The following MYCBP2 variants were observed in gnomAD, a reference collection of about 807,000 sequenced individuals.
The protein encoded by MYCBP2 is E3 ubiquitin-protein ligase MYCBP2.
In MYCBP2, 120 loss-of-function variants were observed where a neutral mutation model predicts 525.3. That is an observed-to-expected ratio of 0.23 (90% confidence interval 0.20 to 0.27). The LOEUF is 0.27. Ranked by LOEUF, MYCBP2 falls within the 10% of genes least tolerant of loss-of-function variation. The pLI, the probability that MYCBP2 is intolerant of heterozygous loss-of-function variation, is 1.00. For missense variants in MYCBP2, 4,149 were observed against 5,657.1 expected (o/e 0.73, Z 8.55); for synonymous variants, 1,894 against 1,955.8 (o/e 0.97, Z 0.83).
intron 40 of MYCBP2, among the ~76,000 whole-genome samples, chr13:77,167,420 G>C (rs1255038840): frequency 6.6e-6 from 1 of 152,088 alleles, no homozygotes; most frequent in African/African-American, 2.4e-5. Flanking sequence ...GTAAGCTGAA[G>C]AGGCTCCCAT....
At chr13:77,163,767 T>A (rs557705955) in intron 43 of MYCBP2, among the ~76,000 whole-genome samples, 2 of 152,290 alleles carry the variant, frequency 1.3e-5, no homozygotes, top group African/African-American at 4.8e-5. Context: ...CTCATTTTGC[T>A]AACATATTTC....
intron 55 of MYCBP2, among the ~76,000 whole-genome samples, chr13:77,119,089 G>A (rs948157150): frequency 3.3e-5 from 5 of 152,080 alleles, no homozygotes; most frequent in East Asian, 1.9e-4. Flanking sequence ...TTGCTTAGAT[G>A]AATAATTTAA....
intron 45 of MYCBP2, among the ~76,000 whole-genome samples, chr13:77,156,636 A>G (rs938280784): frequency 9.2e-5 from 14 of 152,186 alleles, no homozygotes; most frequent in African/African-American, 3.4e-4. Context: ...ATGGCCCTCT[A>G]CTTGCCTGAC....
At chr13:77,065,745 T>C (rs370495276) in intron 72 of MYCBP2, among the ~76,000 whole-genome samples, 1 of 152,332 alleles carries the variant, frequency 6.6e-6, no homozygotes, top group East Asian at 1.9e-4. Context: ...TATTTTATTT[T>C]ATTAGATTTT....
intron 62 of MYCBP2, among the ~76,000 whole-genome samples, chr13:77,085,691 G>T (rs2044130764): frequency 6.6e-6 from 1 of 152,152 alleles, no homozygotes; most frequent in Non-Finnish European, 1.5e-5. Flanking sequence ...CAGCTTCTGT[G>T]CTCTCTTTCT....
At chr13:77,301,422 C>CAAA (rs11338423) in intron 1 of MYCBP2, among the ~76,000 whole-genome samples, 4 of 40,512 alleles carry the variant, frequency 9.9e-5, no homozygotes, top group African/African-American at 3.6e-4. Context: ...GACTCCATCT[C>CAAA]AAAAAAAAAA....
intron 17 of MYCBP2, among the ~76,000 whole-genome samples, chr13:77,240,855 G>T (rs796939231): frequency 6.6e-6 from 1 of 152,102 alleles, no homozygotes; most frequent in South Asian, 2.1e-4. Context: ...CTCAAGAAAA[G>T]ATATTCACTA....
intron 1 of MYCBP2, among the ~76,000 whole-genome samples, chr13:77,302,641 A>G (rs2078929710): frequency 6.6e-6 from 1 of 152,210 alleles, no homozygotes; most frequent in African/African-American, 2.4e-5. Context: ...GAAATACTGA[A>G]GGAAAGTCTT....
intron 26 of MYCBP2, among the ~76,000 whole-genome samples, chr13:77,203,105 G>T (rs2062832542): frequency 6.6e-6 from 1 of 152,002 alleles, no homozygotes; most frequent in African/African-American, 2.4e-5. Context: ...AAGTCAAATT[G>T]TCCCTGTTTG....
chr13:77,199,692 T>C (rs566273681), intron 26 of MYCBP2, among the ~76,000 whole-genome samples: 22 of 152,294 alleles, frequency 1.4e-4, no homozygotes, highest in Admixed American at 6.5e-4. Context: ...CAGCTGGAGA[T>C]CTGAGAAAGG....
chr13:77,191,532 G>A (rs1172240025), intron 28 of MYCBP2, 147 bp downstream of exon 28: 1 of 907,058 alleles, frequency 1.1e-6, no homozygotes, highest in Non-Finnish European at 1.6e-6. Flanking sequence ...TTTGGCATGA[G>A]GTTACATGAA....
At chr13:77,231,696 G>A (rs1299554902) in intron 18 of MYCBP2, among the ~76,000 whole-genome samples, 1 of 152,170 alleles carries the variant, frequency 6.6e-6, no homozygotes, top group Non-Finnish European at 1.5e-5. Flanking sequence ...AGCTGAAAAG[G>A]TTTTAAACTG....
chr13:77,161,883 C>T (rs1474650621), intron 44 of MYCBP2, 23 bp downstream of exon 44: 2 of 1,584,306 alleles, frequency 1.3e-6, no homozygotes, highest in African/African-American at 1.4e-5. Context: ...CAAAGTTTAT[C>T]CTTAAAACAT....
At chr13:77,205,408 T>C (rs2063210196) in intron 25 of MYCBP2, 25 bp from the exon 26 acceptor site, 3 of 1,611,964 alleles carry the variant, frequency 1.9e-6, no homozygotes, top group Non-Finnish European at 2.5e-6. Context: ...TCATAATCTA[T>C]GTTTTAAAAG....
At chr13:77,300,029 T>G (rs1423967876) in intron 1 of MYCBP2, among the ~76,000 whole-genome samples, 1 of 152,204 alleles carries the variant, frequency 6.6e-6, no homozygotes, top group African/African-American at 2.4e-5. Flanking sequence ...TATTACTGAG[T>G]ATACTTTATA....
intron 46 of MYCBP2, among the ~76,000 whole-genome samples, chr13:77,154,132 G>A (rs1223220340): frequency 6.6e-6 from 1 of 152,116 alleles, no homozygotes; most frequent in Non-Finnish European, 1.5e-5. Context: ...TAGGCTGAAA[G>A]TAAAATAGGT....
intron 52 of MYCBP2, 84 bp from the exon 53 acceptor site, chr13:77,126,626 C>A (rs543545018): frequency 5.0e-6 from 5 of 1,002,946 alleles, no homozygotes; most frequent in Non-Finnish European, 7.3e-6. Context: ...GCTTTTATAG[C>A]AAGTCTACAG....
chr13:77,171,901 T>C (rs2059175783), intron 37 of MYCBP2, among the ~76,000 whole-genome samples: 2 of 152,178 alleles, frequency 1.3e-5, no homozygotes, highest in African/African-American at 4.8e-5. Context: ...ATTAATTAAT[T>C]AAATTATTTA....
chr13:77,264,746 A>C (rs1055688922), intron 8 of MYCBP2, among the ~76,000 whole-genome samples: 3 of 152,114 alleles, frequency 2.0e-5, no homozygotes, highest in Admixed American at 6.6e-5. Context: ...AGTATTACAG[A>C]AGGACCACAG....
Sources: allele counts gnomAD v4.1 joint callset (sites outside exome capture counted in the v4.1 genomes callset), GRCh38; gene constraint gnomAD v4.1.1; transcripts MANE v1.5; gene names NCBI Gene and HGNC (gene_info 2026-07-23, HGNC 2026-07-21).